The following L3MBTL1 variants were observed in gnomAD, a reference collection of about 807,000 sequenced individuals.
L3MBTL1 encodes the protein L3MBTL histone methyl-lysine binding protein 1, also known as lethal(3)malignant brain tumor-like protein 1.
A neutral mutation model predicts 105.3 loss-of-function variants in L3MBTL1; 75 were observed. The observed-to-expected ratio is 0.71, with a 90% CI of 0.59 to 0.86. L3MBTL1 has a LOEUF of 0.86. Ranked by LOEUF, L3MBTL1 falls within the 40% of genes least tolerant of loss-of-function variation. The pLI is 0.00. For missense variants in L3MBTL1, 1,069 were observed against 1,126.4 expected (o/e 0.95, Z 0.73); for synonymous variants, 452 against 436.2 (o/e 1.04, Z -0.45).
In L3MBTL1 at chr20:43,522,910, C is replaced by T. The variant is rs199985588; in HGVS notation, c.863-5747C>T. Among the ~76,000 whole-genome samples the T allele has an allele frequency of 6.6e-5, 10 of 150,592 alleles. No individual in the cohort carries two copies. The East Asian group carries it at 2.0e-3, about 30-fold the overall frequency. On this transcript the variant is annotated intron_variant, in intron 7 of 21. Transcript: ENST00000418998. ...TTGAGCTCAGGAGTTTGAGACCAGCCTGGTTAACATGGCGAACCCCGTCGC... is the reference window on the plus strand; with the variant it reads ...TTGAGCTCAGGAGTTTGAGACCAGCTTGGTTAACATGGCGAACCCCGTCGC...
intron 10 of L3MBTL1, 85 bp downstream of exon 10, chr20:43,530,504 C>T (rs1386522542): frequency 6.9e-7 from 1 of 1,450,392 alleles, no homozygotes; most frequent in Non-Finnish European, 9.4e-7. Context: ...GCTTCCAGCT[C>T]TTTTGTTTTC....
downstream of L3MBTL1, among the ~76,000 whole-genome samples, chr20:43,542,374 C>T (rs762977114): frequency 2.0e-5 from 3 of 152,172 alleles, no homozygotes; most frequent in Non-Finnish European, 2.9e-5. Flanking sequence ...ATCTTCTCTT[C>T]ATGTACGTGT....
At chr20:43,515,794 A>C (rs564719670) in intron 6 of L3MBTL1, 19 of 461,576 alleles carry the variant, frequency 4.1e-5, no homozygotes, top group African/African-American at 3.7e-4. Context: ...CATGAATTCT[A>C]CTGGGCGTGT....
intron 7 of L3MBTL1, among the ~76,000 whole-genome samples, chr20:43,522,183 C>G (rs1256708303): frequency 1.3e-5 from 2 of 152,052 alleles, no homozygotes. Context: ...GGTGAAACCC[C>G]ATCTCTACTA....
chr20:43,541,325 C>T lies in L3MBTL1; in HGVS notation c.*197C>T, dbSNP rs959509393. On this transcript the variant is annotated 3_prime_UTR_variant, in exon 22 of 22. Coordinates refer to ENST00000418998, the MANE Select transcript of L3MBTL1 (RefSeq NM_001377303.1). Reference sequence around the variant, plus strand: ...TAAATCCCAGTTCTGTCAATTTGAGCTGTTTACTGTCTCTGAGCCTACATC... The same window carrying T: ...TAAATCCCAGTTCTGTCAATTTGAGTTGTTTACTGTCTCTGAGCCTACATC... 8.3e-5 allele frequency: 86 copies of T among 1,041,726 alleles called. No homozygotes were observed. The Middle Eastern group carries it at 1.3e-3, about 16-fold the overall frequency. 64.5% of individuals were successfully genotyped at this position (1,041,726 alleles called of 1,614,324 possible). A position where few individuals can be genotyped will look rare whatever the true frequency, so the allele number is the denominator to read the frequency against.
Position 43,515,432 on chromosome 20 carries a change from G to T in L3MBTL1, c.777+17G>T. 2 of 1,550,000 alleles carry T rather than the reference G, an allele frequency of 1.3e-6. No homozygotes were observed. Among genetic ancestry groups the T allele is most frequent in the South Asian group, 1.2e-5 (1 of 84,086 alleles). On this transcript the variant is annotated intron_variant, in intron 6 of 21. Transcript: ENST00000418998. The stretch of plus-strand genomic sequence containing the variant: ...GAGGCCATGGTAGGAAGAGGGCAGT[G>T]GGGAAGGGAGGGGGAAGCTATAGCC...
chr20:43,522,621 C>T (rs2018789908), intron 7 of L3MBTL1, among the ~76,000 whole-genome samples: 1 of 150,512 alleles, frequency 6.6e-6, no homozygotes, highest in Non-Finnish European at 1.5e-5. Context: ...TACAGGCGCA[C>T]ACCACCGTGC....
At chr20:43,509,076 C>G (rs1394098136) in intron 1 of L3MBTL1, among the ~76,000 whole-genome samples, 3 of 152,232 alleles carry the variant, frequency 2.0e-5, no homozygotes, top group African/African-American at 4.8e-5. Flanking sequence ...ATGGCAGACT[C>G]CTTCTCAGTC....
Position 43,513,582 on chromosome 20 carries a change from G to T in L3MBTL1, c.79G>T (p.Ala27Ser). 1 of 1,550,632 alleles carries T rather than the reference G, an allele frequency of 6.4e-7. No individual in the cohort carries two copies. Among genetic ancestry groups the T allele is most frequent in the African/African-American group, 1.4e-5 (1 of 73,152 alleles). Residue 27 changes from alanine to serine, a missense_variant, in exon 2 of 22, where the codon GCC becomes TCC. By Grantham distance (99) the Ala-to-Ser change is moderately conservative. Coordinates refer to ENST00000418998, the MANE Select transcript of L3MBTL1 (RefSeq NM_001377303.1). ...AGGGGAGGTCAGCATGCACTTGGTGGCCGGAGACAGCCCCGGTTCTGGTCC... is the reference window on the plus strand; with the variant it reads ...AGGGGAGGTCAGCATGCACTTGGTGTCCGGAGACAGCCCCGGTTCTGGTCC... ...STGEVSMHLV[A>S]GDSPGSGPHL...
At chr20:43,544,040 G>A (rs1196504609), downstream of L3MBTL1, among the ~76,000 whole-genome samples, 1 of 152,204 alleles carries the variant, frequency 6.6e-6, no homozygotes, top group African/African-American at 2.4e-5. Flanking sequence ...AGTGTGGTAA[G>A]GGCCGTGAAA....
At chr20:43,547,014 C>T (rs1978644697) in intron 18 of L3MBTL1, among the ~76,000 whole-genome samples, 2 of 152,196 alleles carry the variant, frequency 1.3e-5, no homozygotes, top group East Asian at 3.9e-4. Context: ...CTGAACAAGG[C>T]CTACATAATT....
intron 7 of L3MBTL1, among the ~76,000 whole-genome samples, chr20:43,527,434 C>G (rs1282962140): frequency 6.6e-6 from 1 of 152,186 alleles, no homozygotes. Flanking sequence ...GAGGCTAGGA[C>G]TCCACCTCAG....
downstream of L3MBTL1, among the ~76,000 whole-genome samples, chr20:43,544,956 C>T (rs1978491462): frequency 6.6e-6 from 1 of 151,848 alleles, no homozygotes; most frequent in Admixed American, 6.6e-5. Flanking sequence ...CAGAGCAAGA[C>T]TCTGTATCAA....
intron 1 of L3MBTL1, among the ~76,000 whole-genome samples, chr20:43,511,535 A>C (rs1389848671): frequency 6.6e-6 from 1 of 152,134 alleles, no homozygotes; most frequent in Non-Finnish European, 1.5e-5. Context: ...TAAACCCAGC[A>C]CTTTGGGAGG....
chr20:43,547,337 C>T (rs990593451), intron 18 of L3MBTL1, among the ~76,000 whole-genome samples: 5 of 152,116 alleles, frequency 3.3e-5, no homozygotes, highest in African/African-American at 1.2e-4. Flanking sequence ...ATCTCCTGAC[C>T]TCATGATCCG....
At chr20:43,512,593 C>T (rs1175339220) in intron 1 of L3MBTL1, among the ~76,000 whole-genome samples, 1 of 152,140 alleles carries the variant, frequency 6.6e-6, no homozygotes, top group East Asian at 1.9e-4. Context: ...TTCAAGTGCT[C>T]AATAGCCACA....
intron 5 of L3MBTL1, 47 bp from the exon 6 acceptor site, chr20:43,515,245 G>A: frequency 6.2e-7 from 1 of 1,612,728 alleles, no homozygotes; most frequent in African/African-American, 1.3e-5. Context: ...GAGGGGCTGG[G>A]TGGTGCAGGG....
At chr20:43,535,079 T>TC in intron 16 of L3MBTL1, 137 bp downstream of exon 16, 1 of 603,120 alleles carries the variant, frequency 1.7e-6, no homozygotes, top group East Asian at 2.9e-5. Context: ...AGTTCCAGAA[T>TC]CCCCCATCTG....
chr20:43,512,346 A>G (rs1418406973), intron 1 of L3MBTL1, among the ~76,000 whole-genome samples: 1 of 152,172 alleles, frequency 6.6e-6, no homozygotes, highest in African/African-American at 2.4e-5. Context: ...GTGCTGTCCA[A>G]TACAATAGTC....
Sources: gnomAD v4.1 joint callset for allele counts (sites outside exome capture counted in the v4.1 genomes callset) on GRCh38, gnomAD v4.1.1 for gene constraint, MANE v1.5 for transcripts, NCBI Gene and HGNC (gene_info 2026-07-23, HGNC 2026-07-21) for gene names.